The following ACOT4 variants were observed in gnomAD, a reference collection of about 807,000 sequenced individuals.
The protein encoded by ACOT4 is peroxisomal succinyl-coenzyme A thioesterase.
Under a neutral mutation model 17.1 loss-of-function variants are expected in ACOT4, and 18 were observed. The ratio of observed to expected loss-of-function variants is 1.05; its 90% CI spans 0.73 to 1.56. The LOEUF (loss-of-function observed/expected upper bound fraction) is 1.56. Ranked by LOEUF, ACOT4 falls within the 40% of genes most tolerant of loss-of-function variation. The probability of loss-of-function intolerance (pLI) is 0.00; values close to 1 mark genes in which losing one functional copy is unlikely to be tolerated. For missense variants in ACOT4, 574 were observed against 557.2 expected (o/e 1.03, Z -0.30); for synonymous variants, 234 against 236.6 (o/e 0.99, Z 0.10).
Position 73,591,993 on chromosome 14 carries a change from C to G in ACOT4, c.34C>G (p.Arg12Gly). Residue 12 changes from arginine to glycine, a missense_variant, in exon 1 of 3, where the codon CGC (arginine) becomes GGC (glycine). Transcript: ENST00000326303. Reference sequence around the variant, plus strand: ...AACGCTGATCCTGGAGCCCCCAGGCCGCTGCTGCTGGAACGAGCCGGTGCG... The same window carrying G: ...AACGCTGATCCTGGAGCCCCCAGGCGGCTGCTGCTGGAACGAGCCGGTGCG... Reference protein sequence around the residue: ...SATLILEPPGRCCWNEPVRIA... With the variant: ...SATLILEPPGGCCWNEPVRIA... The G allele has an allele frequency of 7.0e-7, 1 of 1,418,882 alleles. No homozygotes were observed. 87.9% of individuals were successfully genotyped at this position (1,418,882 alleles called of 1,614,324 possible). A position where few individuals can be genotyped will look rare whatever the true frequency, so the allele number is the denominator to read the frequency against.
At chr14:73,594,434 G>T (rs1445474282) in intron 2 of ACOT4, among the ~76,000 whole-genome samples, 1 of 66,670 alleles carries the variant, frequency 1.5e-5, no homozygotes, top group Non-Finnish European at 2.8e-5. Context: ...GATGGGATCT[G>T]TGGCTCAGCG....
At position 73,595,038 on chromosome 14, in the gene ACOT4, T is replaced by C. The variant is rs373037595; in HGVS notation, c.661-11T>C. 7.4e-6 allele frequency: 12 copies of C among 1,612,028 alleles called. No individual in the cohort carries two copies. The highest frequency in any genetic ancestry group is 1.0e-5 in the Non-Finnish European group (12 of 1,179,482). On this transcript the variant is annotated splice_polypyrimidine_tract_variant and intron_variant, in intron 2 of 2. Coordinates refer to ENST00000326303, the MANE Select transcript of ACOT4 (RefSeq NM_152331.4). ...TTATTGACTCAACTCTCCTCTCTTC[T>C]TTTCTTCCAGGTAAAAGGCCCAGGC... is the stretch of plus-strand genomic sequence containing the variant.
chr14:73,593,865 C>G lies in ACOT4; in HGVS notation c.621C>G (p.Tyr207Ter). 1 of 1,613,784 alleles carries G rather than the reference C, an allele frequency of 6.2e-7. No individual in the cohort carries two copies. Among genetic ancestry groups the G allele is most frequent in the Non-Finnish European group, 8.5e-7 (1 of 1,179,796 alleles). Residue 207 changes from tyrosine (Y) to a stop codon, truncating the protein, a stop_gained, in exon 2 of 3, where the codon TAC becomes TAG. Transcript: ENST00000326303. LOFTEE classifies it low-confidence loss of function (END_TRUNC). The part of the protein sequence containing the change: ...PNNMDNISLE[Y>*]FEEAVCYMLQ... ...ACATGGACAACATATCCCTGGAGTACTTCGAAGAAGCCGTATGCTACATGC... is the reference window on the plus strand; with the variant it reads ...ACATGGACAACATATCCCTGGAGTAGTTCGAAGAAGCCGTATGCTACATGC...
chr14:73,593,289 C>G (rs1254514114), intron 1 of ACOT4, among the ~76,000 whole-genome samples: 1 of 151,668 alleles, frequency 6.6e-6, no homozygotes, highest in Admixed American at 6.6e-5. Flanking sequence ...AGGGCTGATG[C>G]AACAGAACAT....
chr14:73,594,850 G>A (rs1470806482), intron 2 of ACOT4, among the ~76,000 whole-genome samples, 199 bp from the exon 3 acceptor site: 4 of 152,120 alleles, frequency 2.6e-5, no homozygotes, highest in African/African-American at 4.8e-5. Context: ...AGAGGCGTGC[G>A]CCACCACACT....
chr14:73,595,209 C>T lies in ACOT4; in HGVS notation c.821C>T (p.Pro274Leu). 1.2e-6 allele frequency: 2 copies of T among 1,614,180 alleles called. No homozygotes were observed. The highest frequency in any genetic ancestry group is 1.7e-6 in the Non-Finnish European group (2 of 1,180,040). ...AINYKHSSIPPLGYDLRRIKV... is the reference protein window; with the variant it reads ...AINYKHSSIPLLGYDLRRIKV... Reference sequence around the variant, plus strand: ...AACTATAAGCACAGTAGCATTCCACCATTGGGCTATGACCTGAGGAGAATC... The same window carrying T: ...AACTATAAGCACAGTAGCATTCCACTATTGGGCTATGACCTGAGGAGAATC... The change falls in exon 3 of 3, where the codon CCA becomes CTA. Residue 274 changes from proline to leucine, a missense_variant. Coordinates refer to ENST00000326303, the MANE Select transcript of ACOT4 (RefSeq NM_152331.4).
chr14:73,595,601 T>G lies in ACOT4; in HGVS notation c.1213T>G (p.Phe405Val), dbSNP rs751168912. 77 of 1,563,892 alleles carry G rather than the reference T, an allele frequency of 4.9e-5. No individual in the cohort carries two copies. The highest frequency in any genetic ancestry group is 3.2e-4 in the South Asian group (27 of 84,336). ...QEDAWKQILA[F>V]FCKHLGGTQK... Reference sequence around the variant, plus strand: ...AGATGCCTGGAAGCAAATTCTAGCCTTCTTCTGCAAACACCTGGGAGGTAC... The same window carrying G: ...AGATGCCTGGAAGCAAATTCTAGCCGTCTTCTGCAAACACCTGGGAGGTAC... Residue 405 changes from phenylalanine to valine, a missense_variant, in exon 3 of 3, where the codon TTC becomes GTC. Transcript: ENST00000326303.
chr14:73,594,673 GTTATTTATTTAT>G lies in ACOT4; in HGVS notation c.661-347_661-336del, dbSNP rs5809619. On this transcript the variant is annotated intron_variant, in intron 2 of 2. Transcript: ENST00000326303. The stretch of plus-strand genomic sequence containing the variant: ...AGAAAAATGTTTTTGCATTGGATAA[GTTATTTATTTAT>G]TTATTTATTTATTTATTTATTTATT... Among the ~76,000 whole-genome samples, 435 of 147,230 alleles carry G rather than the reference GTTATTTATTTAT, an allele frequency of 3.0e-3. 1 individual carries two copies. Among genetic ancestry groups the G allele is most frequent in the African/African-American group, 9.9e-3 (396 of 39,914 alleles).
Position 73,593,902 on chromosome 14 carries a change from C to G in ACOT4, c.658C>G (p.Gln220Glu). Residue 220 changes from glutamine (Q) to glutamate (E), a missense_variant and splice_region_variant, in exon 2 of 3, where the codon CAG becomes GAG. Gln to Glu is a conservative substitution (Grantham distance 29). Coordinates refer to ENST00000326303, the MANE Select transcript of ACOT4 (RefSeq NM_152331.4). ...CGTATGCTACATGCTTCAACATCCC[C>G]AGGTTCTCCTCATGTCCTTTATTTA... The part of the protein sequence containing the change: ...EAVCYMLQHP[Q>E]VKGPGIGLLG... 3 of 1,610,468 alleles carry G rather than the reference C, an allele frequency of 1.9e-6. No homozygotes were observed. Among genetic ancestry groups the G allele is most frequent in the Non-Finnish European group, 2.5e-6 (3 of 1,177,632 alleles).
chr14:73,593,764 C>G lies in ACOT4; in HGVS notation c.520C>G (p.Arg174Gly), dbSNP rs755709560. 8.7e-6 allele frequency: 14 copies of G among 1,613,896 alleles called. No homozygotes were observed. The highest frequency in any genetic ancestry group is 1.2e-5 in the Non-Finnish European group (14 of 1,179,860). Residue 174 changes from arginine (R) to glycine (G), a missense_variant, in exon 2 of 3, where the codon CGA (arginine) becomes GGA (glycine). Physicochemically the swap from Arg to Gly is moderately radical, Grantham distance 125 (BLOSUM62 -2). Transcript: ENST00000326303. Reference sequence around the variant, plus strand: ...TATTGGAGGGGGCCTCTTGGAATATCGAGCCAGCCTCCTTGCTGGCCATGG... The same window carrying G: ...TATTGGAGGGGGCCTCTTGGAATATGGAGCCAGCCTCCTTGCTGGCCATGG... ...FGIGGGLLEY[R>G]ASLLAGHGFA...
chr14:73,592,395 G>A lies in ACOT4; in HGVS notation c.436G>A (p.Ala146Thr). 3 of 1,542,000 alleles carry A rather than the reference G, an allele frequency of 1.9e-6. No individual in the cohort carries two copies. The highest frequency in any genetic ancestry group is 2.6e-6 in the Non-Finnish European group (3 of 1,149,486). The change falls in exon 1 of 3, where the codon GCC becomes ACC. Residue 146 changes from alanine to threonine, a missense_variant. Coordinates refer to ENST00000326303, the MANE Select transcript of ACOT4 (RefSeq NM_152331.4). ...GTCGGTGCGAGCGGGCCGGGTGCGC[G>A]CCACGCTCTTCCTGCCGCCAGGTGA... ...RQSVRAGRVR[A>T]TLFLPPGPGP... is the part of the protein sequence containing the mutation.
chr14:73,592,390 T>A lies in ACOT4; in HGVS notation c.431T>A (p.Val144Glu), dbSNP rs1245517143. ...VRRQSVRAGR[V>E]RATLFLPPGP... ...CGCCAGTCGGTGCGAGCGGGCCGGG[T>A]GCGCGCCACGCTCTTCCTGCCGCCA... Residue 144 changes from valine to glutamate, a missense_variant, in exon 1 of 3, where the codon GTG becomes GAG. By Grantham distance (121) the Val-to-Glu change is moderately radical. Transcript: ENST00000326303. The A allele has an allele frequency of 3.9e-6, 6 of 1,548,356 alleles. No homozygotes were observed. Among genetic ancestry groups the A allele is most frequent in the African/African-American group, 1.4e-5 (1 of 72,588 alleles).
chr14:73,592,619 G>A (rs1456782592), intron 1 of ACOT4, among the ~76,000 whole-genome samples: 2 of 152,222 alleles, frequency 1.3e-5, no homozygotes, highest in Non-Finnish European at 2.9e-5. Flanking sequence ...TTGGGAGGCC[G>A]AGATGGGCGG....
rs1890223862 is a variant in ACOT4 at position 73,595,112 on chromosome 14, G to T, written c.724G>T (p.Ala242Ser). The change falls in exon 3 of 3, where the codon GCC becomes TCC. Residue 242 changes from alanine to serine, a missense_variant. By Grantham distance (99) the Ala-to-Ser change is moderately conservative (BLOSUM62 1). Coordinates refer to ENST00000326303, the MANE Select transcript of ACOT4 (RefSeq NM_152331.4). ...SLGADICLSM[A>S]SFLKNVSATV... is the part of the protein sequence containing the mutation. ...AGGAGCTGATATTTGTCTCTCAATG[G>T]CCTCATTCTTGAAGAATGTCTCAGC... The T allele has an allele frequency of 6.2e-7, 1 of 1,614,152 alleles. No homozygotes were observed. The highest frequency in any genetic ancestry group is 1.7e-5 in the Admixed American group (1 of 60,018).
At position 73,592,224 on chromosome 14, in the gene ACOT4, C is replaced by G; in HGVS notation, c.265C>G (p.Pro89Ala). The G allele has an allele frequency of 1.2e-6, 2 of 1,613,084 alleles. No individual in the cohort carries two copies. The highest frequency in any genetic ancestry group is 1.7e-6 in the Non-Finnish European group (2 of 1,179,430). The change falls in exon 1 of 3, where the codon CCT (proline) becomes GCT (alanine). Residue 89 changes from proline (P) to alanine (A), a missense_variant. Pro to Ala is a conservative substitution (Grantham distance 27, BLOSUM62 -1). Coordinates refer to ENST00000326303, the MANE Select transcript of ACOT4 (RefSeq NM_152331.4). Reference protein sequence around the residue: ...GLLWALEPEKPFWRFLKRDVQ... With the variant: ...GLLWALEPEKAFWRFLKRDVQ... ...GCTCTGGGCCCTGGAACCCGAGAAGCCTTTTTGGCGCTTCCTGAAGCGGGA... is the reference window on the plus strand; with the variant it reads ...GCTCTGGGCCCTGGAACCCGAGAAGGCTTTTTGGCGCTTCCTGAAGCGGGA...
chr14:73,592,415 A>G lies in ACOT4; in HGVS notation c.456A>G (p.Pro152=). Residue 152 remains proline (P), a splice_region_variant and synonymous_variant, in exon 1 of 3, where the codon CCA becomes CCG. Coordinates refer to ENST00000326303, the MANE Select transcript of ACOT4 (RefSeq NM_152331.4). ...GRVRATLFLP[P]GPGPFPGIID... ...TGCGCGCCACGCTCTTCCTGCCGCC[A>G]GGTGAGCCAGGCTGCTGGCGGGTGG... The G allele has an allele frequency of 6.6e-6, 10 of 1,516,036 alleles. No individual in the cohort carries two copies. Among genetic ancestry groups the G allele is most frequent in the Non-Finnish European group, 7.9e-6 (9 of 1,138,712 alleles). The allele number at this position is 1,516,036 out of a possible 1,614,324, so 93.9% of individuals were successfully genotyped here. A position where few individuals can be genotyped will look rare whatever the true frequency, so the allele number is the denominator to read the frequency against.
Position 73,592,421 on chromosome 14 carries a change from G to T in ACOT4, c.457+5G>T. 1 of 1,509,422 alleles carries T rather than the reference G, an allele frequency of 6.6e-7. No individual in the cohort carries two copies. Among genetic ancestry groups the T allele is most frequent in the Non-Finnish European group, 8.8e-7 (1 of 1,135,980 alleles). The allele number at this position is 1,509,422 out of a possible 1,614,324, so 93.5% of individuals were successfully genotyped here. ...CCACGCTCTTCCTGCCGCCAGGTGA[G>T]CCAGGCTGCTGGCGGGTGGTGTGAG... On this transcript the variant is annotated splice_donor_5th_base_variant and intron_variant, in intron 1 of 2. Transcript: ENST00000326303.
chr14:73,593,801 T>C lies in ACOT4; in HGVS notation c.557T>C (p.Leu186Ser). The change falls in exon 2 of 3, where the codon TTG (leucine) becomes TCG (serine). Residue 186 changes from leucine (L) to serine (S), a missense_variant. Coordinates refer to ENST00000326303, the MANE Select transcript of ACOT4 (RefSeq NM_152331.4). ...SLLAGHGFAT[L>S]ALAYYNFEDL... is the part of the protein sequence containing the mutation. ...CTTGCTGGCCATGGCTTTGCCACGT[T>C]GGCTCTAGCTTATTATAACTTTGAA... 10 of 1,614,020 alleles carry C rather than the reference T, an allele frequency of 6.2e-6. No individual in the cohort carries two copies. Among genetic ancestry groups the C allele is most frequent in the Non-Finnish European group, 8.5e-6 (10 of 1,179,894 alleles).
chr14:73,593,496 A>C (rs1329230296), intron 1 of ACOT4, among the ~76,000 whole-genome samples: 1 of 146,942 alleles, frequency 6.8e-6, no homozygotes, highest in African/African-American at 2.5e-5. Flanking sequence ...ACACCACCAC[A>C]CTGACTAATT....
Sources: allele counts gnomAD v4.1 joint callset (sites outside exome capture counted in the v4.1 genomes callset), GRCh38; gene constraint gnomAD v4.1.1; transcripts MANE v1.5; gene names NCBI Gene and HGNC (gene_info 2026-07-23, HGNC 2026-07-21).